The following RADIL variants were observed in gnomAD, a reference collection of about 807,000 sequenced individuals.
RADIL encodes Rap associating with DIL domain, also known as ras-associating and dilute domain-containing protein.
Under a neutral mutation model 97.6 loss-of-function variants are expected in RADIL, and 99 were observed. That is an observed-to-expected ratio of 1.01 (90% CI 0.86 to 1.20). The LOEUF is 1.20. Among genes scored for constraint, RADIL ranks in the 50% most tolerant of loss-of-function variants. RADIL has a pLI of 0.00. For missense variants in RADIL, 1,765 were observed against 1,498.9 expected (o/e 1.18, Z -2.93); for synonymous variants, 803 against 691.8 (o/e 1.16, Z -2.52).
intron 5 of RADIL, among the ~76,000 whole-genome samples, chr7:4,830,511 G>A (rs1200838879): frequency 6.6e-6 from 1 of 152,180 alleles, no homozygotes; most frequent in East Asian, 1.9e-4. Flanking sequence ...TGAAGGAGCA[G>A]GTTAGTTCTA....
At chr7:4,857,738 T>G (rs1208050975) in intron 2 of RADIL, 3 of 152,768 alleles carry the variant, frequency 2.0e-5, no homozygotes, top group Admixed American at 1.3e-4. Context: ...TTCACTTTGC[T>G]TGTTTGCCAT....
At position 4,799,388 on chromosome 7, in the gene RADIL, G is replaced by A. The variant is rs375557900; in HGVS notation, c.3218C>T (p.Pro1073Leu). Residue 1073 changes from proline to leucine, a missense_variant, in exon 15 of 15, where the codon CCC (proline) becomes CTC (leucine). Pro to Leu is a moderately conservative substitution (Grantham distance 98, BLOSUM62 -3). Coordinates refer to ENST00000399583, the MANE Select transcript of RADIL (RefSeq NM_018059.5). Reference sequence around the variant, plus strand: ...GTCCTCGCAGCCCCCCTAGAGAGGGGGCGTGCGGAAATGGATCTTCTTGGC... The same window carrying A: ...GTCCTCGCAGCCCCCCTAGAGAGGGAGCGTGCGGAAATGGATCTTCTTGGC... ...ETAKKIHFRT[P>L]PL The A allele has an allele frequency of 1.1e-5, 18 of 1,613,598 alleles. No individual in the cohort carries two copies. The highest frequency in any genetic ancestry group is 4.0e-5 in the African/African-American group (3 of 74,916).
chr7:4,824,217 G>A lies in RADIL; in HGVS notation c.1455-1663C>T, dbSNP rs1375783788. 6.6e-6 allele frequency among the ~76,000 whole-genome samples: 1 copy of A among 152,230 alleles called. No individual in the cohort carries two copies. The highest frequency in any genetic ancestry group is 1.5e-5 in the Non-Finnish European group (1 of 68,034). Reference sequence around the variant, plus strand: ...GTGTCCCTTACTGGGGGGATTCTAAGGGGTGAGCCAGGCAGCTGCCACTCT... The same window carrying A: ...GTGTCCCTTACTGGGGGGATTCTAAAGGGTGAGCCAGGCAGCTGCCACTCT... On this transcript the variant is annotated intron_variant, in intron 5 of 14. Coordinates refer to ENST00000399583, the MANE Select transcript of RADIL (RefSeq NM_018059.5). This position sits in a 1 kb window ranked among gnomAD's most constrained non-coding sequence, Gnocchi z 6.7.
chr7:4,833,952 C>T (rs964180990), intron 4 of RADIL, among the ~76,000 whole-genome samples: 15 of 152,112 alleles, frequency 9.9e-5, no homozygotes, highest in Admixed American at 3.9e-4. Flanking sequence ...AGAGGGTGAC[C>T]GGCATCTAGG....
At chr7:4,816,774 G>C (rs960833675) in intron 7 of RADIL, among the ~76,000 whole-genome samples, 1 of 152,090 alleles carries the variant, frequency 6.6e-6, no homozygotes, top group Non-Finnish European at 1.5e-5. Context: ...CCAACAAAGG[G>C]GCTCCAACAA....
intron 2 of RADIL, among the ~76,000 whole-genome samples, chr7:4,869,949 A>G (rs1784215563): frequency 6.6e-6 from 1 of 152,204 alleles, no homozygotes; most frequent in Non-Finnish European, 1.5e-5. Context: ...TGGGCAACAT[A>G]GTGAGACCTC....
chr7:4,869,444 T>G (rs1784204108), intron 2 of RADIL, among the ~76,000 whole-genome samples: 1 of 152,224 alleles, frequency 6.6e-6, no homozygotes, highest in Non-Finnish European at 1.5e-5. Flanking sequence ...CTTTGCACTT[T>G]TTAAGCCTTC....
At chr7:4,799,581 G>A (rs1437875539) in intron 14 of RADIL, 49 bp downstream of exon 14, 3 of 1,608,128 alleles carry the variant, frequency 1.9e-6, no homozygotes, top group Non-Finnish European at 1.7e-6. Context: ...CCACTCCCCT[G>A]AGCAGGGCAT....
chr7:4,809,761 C>A (rs1782485240), intron 9 of RADIL, among the ~76,000 whole-genome samples: 1 of 152,220 alleles, frequency 6.6e-6, no homozygotes, highest in Non-Finnish European at 1.5e-5. Flanking sequence ...CGGCTCACTG[C>A]AACCTCCATC....
rs145310331 is a variant in RADIL at position 4,877,045 on chromosome 7, A to G, written c.535+560T>C. Among the ~76,000 whole-genome samples, 341 of 152,348 alleles carry G rather than the reference A, an allele frequency of 2.2e-3. 2 individuals carry two copies. The highest frequency in any genetic ancestry group is 7.6e-3 in the African/African-American group (318 of 41,580). The stretch of plus-strand genomic sequence containing the variant: ...TGAGATGACTGCTGGAGAGCTGGAC[A>G]ATAATCTGATCAGACAAAAGAACAG... On this transcript the variant is annotated intron_variant, in intron 2 of 14. Transcript: ENST00000399583.
At chr7:4,806,171 A>T in intron 9 of RADIL, 1 of 696,686 alleles carries the variant, frequency 1.4e-6, no homozygotes, top group African/African-American at 1.9e-5. Context: ...GTTTTTTGAG[A>T]CAGAGTCTCA....
intron 5 of RADIL, among the ~76,000 whole-genome samples, chr7:4,828,842 G>A (rs562019836): frequency 3.3e-4 from 50 of 152,360 alleles, no homozygotes; most frequent in Non-Finnish European, 5.9e-4. Context: ...GGCAGCTGCA[G>A]CAGGGAGGGC....
intron 1 of RADIL, among the ~76,000 whole-genome samples, chr7:4,881,414 C>CAAAAAAAAAAAA (rs58871429): frequency 1.2e-5 from 1 of 82,284 alleles, no homozygotes; most frequent in Non-Finnish European, 2.4e-5. Context: ...GACTCCCTCT[C>CAAAAAAAAAAAA]AAAAAAAAAA....
At chr7:4,882,104 C>G (rs1190513619) in intron 1 of RADIL, 1 of 152,252 alleles carries the variant, frequency 6.6e-6, no homozygotes, top group Non-Finnish European at 1.5e-5. Context: ...CCCTGTTACA[C>G]AAACCTTATC....
chr7:4,878,264 C>G lies in RADIL; in HGVS notation c.-64-61G>C. On this transcript the variant is annotated intron_variant, in intron 1 of 14. Transcript: ENST00000399583. This position sits in a 1 kb window ranked among gnomAD's most constrained non-coding sequence, Gnocchi z 4.1. ...TCGTGACCACCAAGAGCAAATGAGGCCACAGGCGGTGACTCCTGCCCGTCA... is the reference window on the plus strand; with the variant it reads ...TCGTGACCACCAAGAGCAAATGAGGGCACAGGCGGTGACTCCTGCCCGTCA... 1.8e-6 allele frequency: 2 copies of G among 1,113,098 alleles called. No individual in the cohort carries two copies. The highest frequency in any genetic ancestry group is 5.8e-5 in the Admixed American group (2 of 34,648). 69.0% of individuals were successfully genotyped at this position (1,113,098 alleles called of 1,614,324 possible).
chr7:4,823,576 C>T (rs1184293018), intron 5 of RADIL, among the ~76,000 whole-genome samples: 1 of 152,160 alleles, frequency 6.6e-6, no homozygotes, highest in Non-Finnish European at 1.5e-5. Context: ...GGGGGGCGCC[C>T]TTCCCTCCCA....
rs552888972 is a variant in RADIL, at chr7:4,813,543, T to G, written c.2139+1735A>C. Among the ~76,000 whole-genome samples, 6 of 152,370 alleles carry G rather than the reference T, an allele frequency of 3.9e-5. No homozygotes were observed. Among genetic ancestry groups the G allele is most frequent in the African/African-American group, 1.4e-4 (6 of 41,590 alleles). ...TCCTGTGAGATGGCCAGTGCTGTGC[T>G]GTTCCAGTTTCTGTTTCCCCACCAG... On this transcript the variant is annotated intron_variant, in intron 9 of 14. Transcript: ENST00000399583. The surrounding 1 kb of genome is among the most constrained non-coding windows in gnomAD (Gnocchi z 5.0).
At position 4,824,291 on chromosome 7, in the gene RADIL, G is replaced by A. The variant is rs572031991; in HGVS notation, c.1455-1737C>T. Among the ~76,000 whole-genome samples, 1 of 152,332 alleles carries A rather than the reference G, an allele frequency of 6.6e-6. No homozygotes were observed. The highest frequency in any genetic ancestry group is 2.4e-5 in the African/African-American group (1 of 41,580). ...GCCCAGTGCCTGACCCCAGTCCCGG[G>A]GCAGAGCCAGGCTCAAGGCTGGACG... is the stretch of plus-strand genomic sequence containing the variant. On this transcript the variant is annotated intron_variant, in intron 5 of 14. Coordinates refer to ENST00000399583, the MANE Select transcript of RADIL (RefSeq NM_018059.5). The surrounding 1 kb of genome is among the most constrained non-coding windows in gnomAD (Gnocchi z 6.7).
intron 2 of RADIL, among the ~76,000 whole-genome samples, chr7:4,845,659 G>A (rs533774550): frequency 1.1e-4 from 17 of 152,114 alleles, no homozygotes; most frequent in East Asian, 5.8e-4. Flanking sequence ...TTTTTTAGAC[G>A]GGGAAGAAAT....
Sources: gnomAD v4.1 joint callset for allele counts (sites outside exome capture counted in the v4.1 genomes callset) on GRCh38, gnomAD v4.1.1 for gene constraint, Gnocchi (gnomAD v3.1) non-coding constraint, MANE v1.5 for transcripts, NCBI Gene and HGNC (gene_info 2026-07-23, HGNC 2026-07-21) for gene names.